The following NR4A3 variants were observed in gnomAD, a reference collection of about 807,000 sequenced individuals.
The protein encoded by NR4A3 is nuclear receptor subfamily 4 group A member 3, also known as chondrosarcoma, extraskeletal myxoid, fused to EWS.
A neutral mutation model predicts 55.6 loss-of-function variants in NR4A3; 13 were observed. The ratio of observed to expected loss-of-function variants is 0.23; its 90% CI spans 0.15 to 0.37. NR4A3 has a LOEUF of 0.37. Among genes scored for constraint, NR4A3 ranks in the 10% least tolerant of loss-of-function variants. NR4A3 has a pLI of 1.00. For missense variants in NR4A3, 646 were observed against 822.8 expected (o/e 0.79, Z 2.63); for synonymous variants, 342 against 357.9 (o/e 0.96, Z 0.50).
rs201429822 is a variant in NR4A3 at position 99,863,739 on chromosome 9, G to C, written c.1753G>C (p.Gly585Arg). ...GGAGCCCACCGAGTCCAAGGTCCTG[G>C]GTGCCCTGGTAGAACTGAGGAAGAT... Reference protein sequence around the residue: ...ALEPTESKVLGALVELRKICT... With the variant: ...ALEPTESKVLRALVELRKICT... The change falls in exon 8 of 8, where the codon GGT becomes CGT. Residue 585 changes from glycine (G) to arginine (R), a missense_variant. Gly to Arg is a moderately radical substitution (Grantham distance 125, BLOSUM62 -2). Around this residue, in one of 5 missense-constraint regions of NR4A3, gnomAD observed 163 missense variants for 233.0 expected, o/e 0.70. Coordinates refer to ENST00000395097, the MANE Select transcript of NR4A3 (RefSeq NM_006981.4). 5.8e-5 allele frequency: 93 copies of C among 1,613,748 alleles called. 1 individual carries two copies. In the Middle Eastern group the frequency reaches 6.6e-4, roughly 11 times the overall value.
At chr9:99,859,531 C>CT (rs1827976878) in intron 7 of NR4A3, among the ~76,000 whole-genome samples, 1 of 152,188 alleles carries the variant, frequency 6.6e-6, no homozygotes, top group Admixed American at 6.5e-5. Flanking sequence ...GTTGAGGTGC[C>CT]TTTGGCTTCT....
At chr9:99,847,691 C>G in intron 7 of NR4A3, 76 bp downstream of exon 7, 1 of 1,352,588 alleles carries the variant, frequency 7.4e-7, no homozygotes, top group Non-Finnish European at 1.0e-6. Context: ...GCCTTGACCA[C>G]TACACACACC....
intron 7 of NR4A3, among the ~76,000 whole-genome samples, chr9:99,851,242 G>A (rs1345724225): frequency 1.3e-5 from 2 of 152,134 alleles, no homozygotes. Context: ...GAAAATATCA[G>A]GAAATGGCAG....
In NR4A3 at chr9:99,828,605, T is replaced by C; in HGVS notation, c.563T>C (p.Phe188Ser). The C allele has an allele frequency of 1.3e-6, 2 of 1,535,964 alleles. 1 individual carries two copies. Among genetic ancestry groups the C allele is most frequent in the South Asian group, 2.4e-5 (2 of 84,340 alleles). ...GTCCCCACGGTGGCCGGCGCGCGCTTCCCGCTCTTCCACTTCAAGCCCTCG... is the reference window on the plus strand; with the variant it reads ...GTCCCCACGGTGGCCGGCGCGCGCTCCCCGCTCTTCCACTTCAAGCCCTCG... ...KAVPTVAGAR[F>S]PLFHFKPSPP... is the part of the protein sequence containing the mutation. The change falls in exon 3 of 8, where the codon TTC becomes TCC. Residue 188 changes from phenylalanine to serine, a missense_variant. Physicochemically the swap from Phe to Ser is radical, Grantham distance 155. This residue lies in a region of NR4A3 where 426 missense variants were observed against 429.4 expected (regional missense o/e 0.99). Coordinates refer to ENST00000395097, the MANE Select transcript of NR4A3 (RefSeq NM_006981.4). The surrounding 1 kb of genome is among the most constrained non-coding windows in gnomAD (Gnocchi z 7.7).
chr9:99,841,086 C>T (rs1003018778), intron 5 of NR4A3, among the ~76,000 whole-genome samples: 6 of 151,996 alleles, frequency 3.9e-5, no homozygotes, highest in Non-Finnish European at 7.4e-5. Context: ...CAAAAATTAG[C>T]TGGGCATGTT....
At position 99,864,463 on chromosome 9, in the gene NR4A3, C is replaced by T. The variant is rs2118190530; in HGVS notation, c.*596C>T. 4.4e-6 allele frequency: 1 copy of T among 228,044 alleles called. No homozygotes were observed. The allele number at this position is 228,044 out of a possible 1,614,324, so 14.1% of individuals were successfully genotyped here. On this transcript the variant is annotated 3_prime_UTR_variant, in exon 8 of 8. Coordinates refer to ENST00000395097, the MANE Select transcript of NR4A3 (RefSeq NM_006981.4). ...CAAAACAATAATGGCTGTTTGCTTC[C>T]ATAAACAAGTGCAATTTTTTAAAGT...
chr9:99,828,566 C>T lies in NR4A3; in HGVS notation c.524C>T (p.Pro175Leu). 2 of 1,569,050 alleles carry T rather than the reference C, an allele frequency of 1.3e-6. No individual in the cohort carries two copies. The highest frequency in any genetic ancestry group is 8.6e-7 in the Non-Finnish European group (1 of 1,165,308). ...ATCGCACCCGGCCCGCTGCTGGACC[C>T]GCCGATGAAGGCGGTCCCCACGGTG... ...GCIAPGPLLDPPMKAVPTVAG... is the reference protein window; with the variant it reads ...GCIAPGPLLDLPMKAVPTVAG... Residue 175 changes from proline (P) to leucine (L), a missense_variant, in exon 3 of 8, where the codon CCG (proline) becomes CTG (leucine). This residue lies in a region of NR4A3 where 426 missense variants were observed against 429.4 expected (regional missense o/e 0.99). Coordinates refer to ENST00000395097, the MANE Select transcript of NR4A3 (RefSeq NM_006981.4). This position sits in a 1 kb window ranked among gnomAD's most constrained non-coding sequence, Gnocchi z 7.7.
At chr9:99,827,937 CCTCT>C in intron 2 of NR4A3, 100 bp from the exon 3 acceptor site, 6 of 1,356,012 alleles carry the variant, frequency 4.4e-6, no homozygotes, top group South Asian at 2.8e-5. Context: ...GATGACACTT[CCTCT>C]CTGTTTCCCA....
chr9:99,834,062 G>C, intron 5 of NR4A3: 1 of 1,044,860 alleles, frequency 9.6e-7, no homozygotes, highest in South Asian at 4.3e-5. Context: ...ACCTCAGAGG[G>C]GTGTTCTGAA....
At chr9:99,837,083 T>C (rs1216406747) in intron 5 of NR4A3, among the ~76,000 whole-genome samples, 1 of 152,182 alleles carries the variant, frequency 6.6e-6, no homozygotes, top group Non-Finnish European at 1.5e-5. Context: ...GAATTCCTTA[T>C]ATATTCTGGT....
chr9:99,841,369 T>C (rs1827648099), intron 5 of NR4A3, among the ~76,000 whole-genome samples: 1 of 152,108 alleles, frequency 6.6e-6, no homozygotes, highest in Admixed American at 6.5e-5. Context: ...ATCCCAGGCA[T>C]TGTGTAGGAT....
chr9:99,844,729 T>G lies in NR4A3; in HGVS notation c.1335T>G (p.Ile445Met). 1 of 1,614,182 alleles carries G rather than the reference T, an allele frequency of 6.2e-7. No homozygotes were observed. The highest frequency in any genetic ancestry group is 8.5e-7 in the Non-Finnish European group (1 of 1,180,006). ...TCTACAACCTCCTGACAGCCTCCATTGATGTATCCAGAAGCTGGGCAGAAA... is the reference window on the plus strand; with the variant it reads ...TCTACAACCTCCTGACAGCCTCCATGGATGTATCCAGAAGCTGGGCAGAAA... The part of the protein sequence containing the change: ...QQFYNLLTAS[I>M]DVSRSWAEKI... Residue 445 changes from isoleucine to methionine, a missense_variant, in exon 6 of 8, where the codon ATT becomes ATG. Physicochemically the swap from Ile to Met is conservative, Grantham distance 10. Coordinates refer to ENST00000395097, the MANE Select transcript of NR4A3 (RefSeq NM_006981.4).
At chr9:99,832,934 C>T in intron 4 of NR4A3, 116 bp downstream of exon 4, 1 of 917,036 alleles carries the variant, frequency 1.1e-6, no homozygotes, top group South Asian at 2.6e-5. Flanking sequence ...TTCCTTTCAA[C>T]ATTTTATTTT....
intron 1 of NR4A3, among the ~76,000 whole-genome samples, chr9:99,823,298 A>C (rs1305855196): frequency 6.6e-6 from 1 of 152,080 alleles, no homozygotes; most frequent in African/African-American, 2.4e-5. Context: ...CAGCCTGCGG[A>C]GACTGACTTC....
At chr9:99,827,605 T>C (rs573026370) in intron 2 of NR4A3, among the ~76,000 whole-genome samples, 1 of 152,336 alleles carries the variant, frequency 6.6e-6, no homozygotes, top group African/African-American at 2.4e-5. Context: ...CAAATCAATG[T>C]GTATGCCTTG....
intron 4 of NR4A3, 151 bp from the exon 5 acceptor site, chr9:99,833,131 G>A (rs1587875833): frequency 9.7e-7 from 1 of 1,029,360 alleles, no homozygotes; most frequent in Non-Finnish European, 1.4e-6. Context: ...AAATCATTGT[G>A]TGAATATTAT....
intron 5 of NR4A3, among the ~76,000 whole-genome samples, chr9:99,837,866 T>C (rs1564033031): frequency 6.6e-6 from 1 of 152,174 alleles, no homozygotes; most frequent in Non-Finnish European, 1.5e-5. Flanking sequence ...TGTGTTCCTT[T>C]AAGGTAGTAA....
chr9:99,835,576 T>C (rs1377471477), intron 5 of NR4A3, among the ~76,000 whole-genome samples: 1 of 152,222 alleles, frequency 6.6e-6, no homozygotes, highest in Non-Finnish European at 1.5e-5. Context: ...TAGCACACAA[T>C]CTGACATTGC....
intron 5 of NR4A3, among the ~76,000 whole-genome samples, chr9:99,839,990 A>G (rs1827624178): frequency 6.6e-6 from 1 of 152,252 alleles, no homozygotes; most frequent in African/African-American, 2.4e-5. Flanking sequence ...TAGGCCAGGC[A>G]GAGAAAAAAT....
Sources: gnomAD v4.1 joint callset for allele counts (sites outside exome capture counted in the v4.1 genomes callset) on GRCh38, gnomAD v4.1.1 for gene constraint, gnomAD v4.1.1 regional missense constraint, Gnocchi (gnomAD v3.1) non-coding constraint, MANE v1.5 for transcripts, NCBI Gene and HGNC (gene_info 2026-07-23, HGNC 2026-07-21) for gene names.